Variants in PLEKHM2 observed in about 807,000 individuals in gnomAD.
PLEKHM2 encodes the protein pleckstrin homology domain-containing family M member 2.
Under a neutral mutation model 116.3 loss-of-function variants are expected in PLEKHM2, and 77 were observed. That is an observed-to-expected ratio of 0.66 (90% CI 0.55 to 0.80). The LOEUF (loss-of-function observed/expected upper bound fraction) is 0.80, where lower values mean the gene tolerates loss of function less well. PLEKHM2 is among the 30% of genes least tolerant of loss of function. The pLI, the probability that PLEKHM2 is intolerant of heterozygous loss-of-function variation, is 0.00. For missense variants in PLEKHM2, 1,183 were observed against 1,354.9 expected (o/e 0.87, Z 1.99); for synonymous variants, 562 against 571.0 (o/e 0.98, Z 0.22).
At chr1:15,685,793 A>T (rs531210585) in intron 1 of PLEKHM2, among the ~76,000 whole-genome samples, 14 of 152,290 alleles carry the variant, frequency 9.2e-5, no homozygotes, top group Middle Eastern at 3.4e-3. Flanking sequence ...CTTACTGAAA[A>T]CATTCCTCTA....
At chr1:15,696,741 G>A (rs575655760) in intron 1 of PLEKHM2, among the ~76,000 whole-genome samples, 1 of 152,192 alleles carries the variant, frequency 6.6e-6, no homozygotes, top group African/African-American at 2.4e-5. Context: ...TCCTTCCCCC[G>A]TGGGGCAGAC....
chr1:15,725,807 A>G, intron 8 of PLEKHM2: 1 of 518,682 alleles, frequency 1.9e-6, no homozygotes, highest in African/African-American at 1.9e-5. Context: ...TGGAGCCTAC[A>G]GTCCGAGGTC....
At chr1:15,693,883 G>T (rs1381990203) in intron 1 of PLEKHM2, among the ~76,000 whole-genome samples, 1 of 152,184 alleles carries the variant, frequency 6.6e-6, no homozygotes, top group Non-Finnish European at 1.5e-5. Context: ...GGATTGTGGG[G>T]CTCCTGGCTG....
chr1:15,685,541 G>GAAAAAAAAAAAAAAA (rs200301672), intron 1 of PLEKHM2, among the ~76,000 whole-genome samples: 10 of 73,506 alleles, frequency 1.4e-4, no homozygotes, highest in South Asian at 6.6e-4. Flanking sequence ...CTCAGAAACT[G>GAAAAAAAAAAAAAAA]AAAAAAAAAA....
chr1:15,690,535 G>A (rs1268696590), intron 1 of PLEKHM2, among the ~76,000 whole-genome samples: 1 of 152,184 alleles, frequency 6.6e-6, no homozygotes, highest in African/African-American at 2.4e-5. Flanking sequence ...TACAAAAATA[G>A]GTATCAGGCT....
Position 15,731,277 on chromosome 1 carries a change from C to G in PLEKHM2, c.2465+20C>G, listed in dbSNP as rs373124803. 4 of 1,552,288 alleles carry G rather than the reference C, an allele frequency of 2.6e-6. No individual in the cohort carries two copies. Among genetic ancestry groups the G allele is most frequent in the Non-Finnish European group, 3.5e-6 (4 of 1,141,986 alleles). On this transcript the variant is annotated intron_variant, in intron 16 of 19. Coordinates refer to ENST00000375799, the MANE Select transcript of PLEKHM2 (RefSeq NM_015164.4). ...CATGGGGTAAGTGTCCCGGGAGAAG[C>G]GGGTGTATCCTGGGGCCCAGAGCTG... is the stretch of plus-strand genomic sequence containing the variant.
rs1231522684 is a variant in PLEKHM2 at position 15,731,172 on chromosome 1, C to T, written c.2400-20C>T. On this transcript the variant is annotated intron_variant, in intron 15 of 19. Coordinates refer to ENST00000375799, the MANE Select transcript of PLEKHM2 (RefSeq NM_015164.4). Reference sequence around the variant, plus strand: ...AGTTCCTGGGACAGGCCTCACTCGCCCTGTGTTGTGCCCCTGCAGCAACGG... The same window carrying T: ...AGTTCCTGGGACAGGCCTCACTCGCTCTGTGTTGTGCCCCTGCAGCAACGG... 3.2e-6 allele frequency: 5 copies of T among 1,577,710 alleles called. No homozygotes were observed. The highest frequency in any genetic ancestry group is 4.3e-6 in the Non-Finnish European group (5 of 1,159,266).
rs1224727655 is a variant in PLEKHM2 at position 15,732,735 on chromosome 1, A to G, written c.2922+7A>G. 6.3e-7 allele frequency: 1 copy of G among 1,581,706 alleles called. No individual in the cohort carries two copies. On this transcript the variant is annotated splice_region_variant and intron_variant, in intron 19 of 19. Transcript: ENST00000375799. ...GTGGAAAACCATCTATCAGGTACCCAGCTGCCCAGGAAACCCATTAGCCAG... is the reference window on the plus strand; with the variant it reads ...GTGGAAAACCATCTATCAGGTACCCGGCTGCCCAGGAAACCCATTAGCCAG...
At chr1:15,722,404 C>CA (rs981554692) in intron 7 of PLEKHM2, among the ~76,000 whole-genome samples, 3 of 152,184 alleles carry the variant, frequency 2.0e-5, no homozygotes, top group African/African-American at 7.2e-5. Flanking sequence ...CTCATCCTCT[C>CA]AAAGTGTGGG....
intron 6 of PLEKHM2, chr1:15,720,306 T>G: frequency 1.0e-6 from 1 of 984,534 alleles, no homozygotes; most frequent in Non-Finnish European, 1.2e-6. Flanking sequence ...GACCCCACAT[T>G]CTTTGCAGAA....
At chr1:15,732,831 C>A (rs2068166118) in intron 19 of PLEKHM2, 103 bp downstream of exon 19, 1 of 780,314 alleles carries the variant, frequency 1.3e-6, no homozygotes, top group Admixed American at 2.3e-5. Context: ...GGCCCTGCCT[C>A]CAGGGTCCTG....
At chr1:15,718,031 GCTC>G in intron 4 of PLEKHM2, 39 bp downstream of exon 4, 1 of 1,324,182 alleles carries the variant, frequency 7.6e-7, no homozygotes, top group Non-Finnish European at 1.1e-6. Context: ...TAGCCTCAGA[GCTC>G]CCTTTCAGCT....
In PLEKHM2 at chr1:15,718,030, A is replaced by C. The variant is rs184127702; in HGVS notation, c.377+38A>C. The C allele has an allele frequency of 1.5e-4, 202 of 1,336,440 alleles. No individual in the cohort carries two copies. In the African/African-American group the frequency reaches 2.5e-3, roughly 17 times the overall value. 82.8% of individuals were successfully genotyped at this position (1,336,440 alleles called of 1,614,324 possible). A position where few individuals can be genotyped will look rare whatever the true frequency, so the allele number is the denominator to read the frequency against. The stretch of plus-strand genomic sequence containing the variant: ...GACGGTCTGTCTCCCCTAGCCTCAG[A>C]GCTCCCTTTCAGCTACCTCCCAAAG... On this transcript the variant is annotated intron_variant, in intron 4 of 19. Coordinates refer to ENST00000375799, the MANE Select transcript of PLEKHM2 (RefSeq NM_015164.4).
Position 15,731,273 on chromosome 1 carries a change from G to T in PLEKHM2, c.2465+16G>T. On this transcript the variant is annotated intron_variant, in intron 16 of 19. Transcript: ENST00000375799. ...TGAACATGGGGTAAGTGTCCCGGGA[G>T]AAGCGGGTGTATCCTGGGGCCCAGA... The T allele has an allele frequency of 6.4e-7, 1 of 1,561,178 alleles. No homozygotes were observed. Among genetic ancestry groups the T allele is most frequent in the Admixed American group, 1.9e-5 (1 of 54,022 alleles).
intron 1 of PLEKHM2, among the ~76,000 whole-genome samples, chr1:15,685,557 A>AAAAAAAAAAAAG (rs1553157089): frequency 2.7e-5 from 4 of 147,950 alleles, no homozygotes; most frequent in African/African-American, 1.0e-4. Flanking sequence ...AAAAAAAAAA[A>AAAAAAAAAAAAG]AAAGAAAGAA....
chr1:15,731,955 T>C lies in PLEKHM2; in HGVS notation c.2532T>C (p.Ile844=), dbSNP rs776268014. 16 of 1,611,840 alleles carry C rather than the reference T, an allele frequency of 9.9e-6. No individual in the cohort carries two copies. Among genetic ancestry groups the C allele is most frequent in the Non-Finnish European group, 1.3e-5 (15 of 1,179,504 alleles). ...ATCGGCCCCACGCCTTCCAGGTCATTCTCTCCGACCGGCCCTGCCTGGAGC... is the reference window on the plus strand; with the variant it reads ...ATCGGCCCCACGCCTTCCAGGTCATCCTCTCCGACCGGCCCTGCCTGGAGC... ...TTDRPHAFQV[I]LSDRPCLELS... is the part of the protein sequence containing the mutation. The change falls in exon 17 of 20, where the codon ATT becomes ATC. Residue 844 remains isoleucine (I), a synonymous_variant. Coordinates refer to ENST00000375799, the MANE Select transcript of PLEKHM2 (RefSeq NM_015164.4).
intron 1 of PLEKHM2, among the ~76,000 whole-genome samples, chr1:15,694,007 G>A (rs7516683): frequency 0.37 from 55,975 of 151,972 alleles, 13,413 homozygotes; most frequent in African/African-American, 0.68. Flanking sequence ...AACGGAAGCA[G>A]TAGAGCTTTT....
upstream of PLEKHM2, among the ~76,000 whole-genome samples, chr1:15,684,100 C>T (rs115317223): frequency 0.011 from 1,495 of 140,886 alleles, 26 homozygotes; most frequent in African/African-American, 0.035. Context: ...CCCCGGCAGG[C>T]GGGGTCGAGG....
At chr1:15,725,263 C>T (rs1172834383) in intron 7 of PLEKHM2, 54 bp from the exon 8 acceptor site, 24 of 1,347,142 alleles carry the variant, frequency 1.8e-5, no homozygotes, top group South Asian at 7.5e-5. Flanking sequence ...CTCTGGGGGT[C>T]GGGGACCCCG....
Sources: gnomAD v4.1 joint callset for allele counts (sites outside exome capture counted in the v4.1 genomes callset) on GRCh38, gnomAD v4.1.1 for gene constraint, MANE v1.5 for transcripts, NCBI Gene and HGNC (gene_info 2026-07-23, HGNC 2026-07-21) for gene names.